The following TIAM2 variants were observed in gnomAD, a reference collection of about 807,000 sequenced individuals.
TIAM2 encodes TIAM Rac1 associated GEF 2.
In TIAM2, 80 loss-of-function variants were observed where a neutral mutation model predicts 152.9. The ratio of observed to expected loss-of-function variants is 0.52; its 90% CI spans 0.44 to 0.63. TIAM2 has a LOEUF of 0.63. TIAM2 is among the 30% of genes least tolerant of loss of function. TIAM2 has a pLI of 0.00. For synonymous variants in TIAM2, 804 were observed against 838.0 expected (o/e 0.96, Z 0.70); for missense variants, 1,965 against 2,120.1 (o/e 0.93, Z 1.44).
rs911988204 is a variant in TIAM2, at chr6:155,186,734, G to A, written c.3064+3234G>A. ...AATTACCTTGATTTACTTTTGCAAT[G>A]AATTAGAAAACAGTAATCCCATTTT... On this transcript the variant is annotated intron_variant, in intron 14 of 26. Coordinates refer to ENST00000682666, the MANE Select transcript of TIAM2 (RefSeq NM_012454.4). The surrounding 1 kb of genome is among the most constrained non-coding windows in gnomAD (Gnocchi z 4.5). Among the ~76,000 whole-genome samples, 46 of 152,194 alleles carry A rather than the reference G, an allele frequency of 3.0e-4. No individual in the cohort carries two copies. The highest frequency in any genetic ancestry group is 9.4e-4 in the African/African-American group (39 of 41,540).
rs1465343311 is a variant in TIAM2 at position 155,240,520 on chromosome 6, C to T, written c.3169-10C>T. The stretch of plus-strand genomic sequence containing the variant: ...CCGTGCATTATTTTCCACCTCTTGT[C>T]CTCTCTCAGAGTGCTGAGCAGATCA... On this transcript the variant is annotated splice_polypyrimidine_tract_variant and intron_variant, in intron 15 of 26. Transcript: ENST00000682666. The T allele has an allele frequency of 1.9e-6, 3 of 1,595,516 alleles. No individual in the cohort carries two copies. Among genetic ancestry groups the T allele is most frequent in the Middle Eastern group, 3.3e-4 (2 of 6,014 alleles).
chr6:155,165,334 G>A lies in TIAM2; in HGVS notation c.2286G>A (p.Lys762=), dbSNP rs1191479447. 1 of 1,613,968 alleles carries A rather than the reference G, an allele frequency of 6.2e-7. No homozygotes were observed. Among genetic ancestry groups the A allele is most frequent in the South Asian group, 1.1e-5 (1 of 91,076 alleles). ...TGACCCAGCGAGGGAGAAACAAGAA[G>A]GGAATATTTTCTTCGTTAAAAGGGC... ...LSLTQRGRNK[K]GIFSSLKGLD... Residue 762 remains lysine (K), a synonymous_variant, in exon 9 of 27, where the codon AAG becomes AAA. Coordinates refer to ENST00000682666, the MANE Select transcript of TIAM2 (RefSeq NM_012454.4).
At chr6:155,225,897 A>G (rs1318734119) in intron 15 of TIAM2, among the ~76,000 whole-genome samples, 1 of 152,212 alleles carries the variant, frequency 6.6e-6, no homozygotes, top group African/African-American at 2.4e-5. Context: ...AACAAAAACC[A>G]TAATTAAAGG....
chr6:155,094,635 A>G (rs1778375152), intron 2 of TIAM2, among the ~76,000 whole-genome samples: 1 of 143,682 alleles, frequency 7.0e-6, no homozygotes. Flanking sequence ...CTGCAGCTTC[A>G]AACTCCTGGA....
chr6:155,168,444 G>A (rs541284999), intron 9 of TIAM2, among the ~76,000 whole-genome samples: 4 of 152,136 alleles, frequency 2.6e-5, no homozygotes, highest in South Asian at 2.1e-4. Flanking sequence ...TGCACCCTCC[G>A]CCTCCCGGGT....
intron 24 of TIAM2, 143 bp from the exon 25 acceptor site, chr6:155,253,830 A>AAAGAGTTGTGGGCTGT: frequency 1.6e-6 from 1 of 615,932 alleles, no homozygotes; most frequent in Non-Finnish European, 2.8e-6. Context: ...AAAATCATAC[A>AAAGAGTTGTGGGCTGT]TAGAACAAGC....
rs551652065 is a variant in TIAM2 at position 155,067,151 on chromosome 6, G to A, written c.-208-23138G>A. Among the ~76,000 whole-genome samples the A allele has an allele frequency of 3.7e-4, 57 of 152,286 alleles. No individual in the cohort carries two copies. In the South Asian group the frequency reaches 4.8e-3, roughly 13 times the overall value. ...ACAGCCGCAGGATCGTAGGACCCCAGACTCAGCAGGATCCTGAAGACCCAG... is the reference window on the plus strand; with the variant it reads ...ACAGCCGCAGGATCGTAGGACCCCAAACTCAGCAGGATCCTGAAGACCCAG... On this transcript the variant is annotated intron_variant, in intron 1 of 26. Transcript: ENST00000682666.
intron 2 of TIAM2, among the ~76,000 whole-genome samples, chr6:155,118,224 C>T (rs945151171): frequency 1.6e-4 from 25 of 152,086 alleles, no homozygotes; most frequent in African/African-American, 6.0e-4. Context: ...AACTTTGTCC[C>T]TGACCCTGGT....
intron 1 of TIAM2, among the ~76,000 whole-genome samples, chr6:155,062,958 CT>C (rs1777619230): frequency 6.6e-6 from 1 of 152,160 alleles, no homozygotes; most frequent in East Asian, 1.9e-4. Context: ...AACAGTATGT[CT>C]TCTCTGATGA....
At chr6:154,996,070 G>GC (rs1778206995) in intron 1 of TIAM2, among the ~76,000 whole-genome samples, 1 of 146,118 alleles carries the variant, frequency 6.8e-6, no homozygotes, top group African/African-American at 2.8e-5. Flanking sequence ...CGCGGCTCCT[G>GC]GGGGGGCTGA....
intron 15 of TIAM2, among the ~76,000 whole-genome samples, chr6:155,220,649 T>C (rs1001406909): frequency 1.4e-4 from 22 of 152,196 alleles, no homozygotes; most frequent in Admixed American, 1.3e-4. Flanking sequence ...GCCTCTTTTT[T>C]TTTGGCAGAG....
At chr6:155,209,779 C>T (rs1216239473) in intron 14 of TIAM2, among the ~76,000 whole-genome samples, 4 of 152,082 alleles carry the variant, frequency 2.6e-5, no homozygotes, top group African/African-American at 4.8e-5. Context: ...ATATGTTTTC[C>T]GGAGGCCTTC....
chr6:155,153,621 CTTTTT>C (rs35672714), intron 7 of TIAM2, among the ~76,000 whole-genome samples: 134 of 105,300 alleles, frequency 1.3e-3, no homozygotes, highest in Non-Finnish European at 1.9e-3. Context: ...GCTGTTTACG[CTTTTT>C]TTTTTTTTTT....
chr6:155,024,167 C>T (rs962872429), intron 1 of TIAM2, among the ~76,000 whole-genome samples: 13 of 152,164 alleles, frequency 8.5e-5, no homozygotes, highest in South Asian at 2.1e-4. Flanking sequence ...GCCTCTACAG[C>T]TTTATGATTC....
chr6:155,076,041 A>G (rs1040792423), intron 1 of TIAM2, among the ~76,000 whole-genome samples: 6 of 152,188 alleles, frequency 3.9e-5, no homozygotes, highest in Non-Finnish European at 8.8e-5. Context: ...TCCACCTGCA[A>G]TGCTGTGTTT....
intron 8 of TIAM2, 35 bp downstream of exon 8, chr6:155,164,635 CG>C: frequency 6.3e-7 from 1 of 1,582,240 alleles, no homozygotes. Flanking sequence ...CTGCAGCATT[CG>C]GGGAGGGCTG....
chr6:155,250,880 G>GTATC, intron 21 of TIAM2, 33 bp from the exon 22 acceptor site: 1 of 1,598,506 alleles, frequency 6.3e-7, no homozygotes, highest in Non-Finnish European at 8.6e-7. Flanking sequence ...TGGGATTTCC[G>GTATC]TATCTTCCTT....
At chr6:155,079,423 T>C (rs1327759280) in intron 1 of TIAM2, among the ~76,000 whole-genome samples, 2 of 152,200 alleles carry the variant, frequency 1.3e-5, no homozygotes, top group African/African-American at 4.8e-5. Context: ...CTGTCTTTTT[T>C]CCCCTTTGGC....
chr6:155,021,964 T>C (rs1776506103), intron 1 of TIAM2, among the ~76,000 whole-genome samples: 1 of 152,196 alleles, frequency 6.6e-6, no homozygotes, highest in Admixed American at 6.5e-5. Flanking sequence ...TCTGCGGCTT[T>C]CCCAAAGCTG....
Sources: gnomAD v4.1 joint callset for allele counts (sites outside exome capture counted in the v4.1 genomes callset) on GRCh38, gnomAD v4.1.1 for gene constraint, Gnocchi (gnomAD v3.1) non-coding constraint, MANE v1.5 for transcripts, NCBI Gene and HGNC (gene_info 2026-07-23, HGNC 2026-07-21) for gene names.